Variants in FGF14 observed in about 807,000 individuals in gnomAD.
FGF14 encodes the protein fibroblast growth factor 14.
FGF14 carries 5 observed loss-of-function variants against 25.5 expected under a neutral mutation model. The observed-to-expected ratio is 0.20, with a 90% confidence interval of 0.10 to 0.41. The LOEUF (loss-of-function observed/expected upper bound fraction) is 0.41. Ranked by LOEUF, FGF14 falls within the 10% of genes least tolerant of loss-of-function variation. The pLI is 1.00. For missense variants in FGF14, 222 were observed against 320.1 expected, an observed-to-expected ratio of 0.69 and a Z score of 2.34; for synonymous variants, 138 against 118.3, an observed-to-expected ratio of 1.17 and a Z score of -1.08.
At chr13:102,038,077 T>TA (rs1336040946) in intron 1 of FGF14, among the ~76,000 whole-genome samples, 6 of 152,094 alleles carry the variant, frequency 3.9e-5, no homozygotes, top group Admixed American at 3.9e-4. Context: ...GTCAAATAAA[T>TA]ACATCTAGGC....
intron 1 of FGF14, chr13:102,046,060 G>C (rs1255114131): frequency 6.5e-6 from 1 of 154,298 alleles, no homozygotes; most frequent in Non-Finnish European, 1.5e-5. Context: ...TCAATGTCAA[G>C]ATCTATTCTA....
At chr13:102,012,372 C>T (rs1316477775) in intron 1 of FGF14, among the ~76,000 whole-genome samples, 2 of 152,136 alleles carry the variant, frequency 1.3e-5, no homozygotes, top group African/African-American at 2.4e-5. Context: ...AGTAGTTACT[C>T]TCTGGTAACA....
chr13:101,929,287 A>T (rs1319405430), intron 1 of FGF14, among the ~76,000 whole-genome samples: 1 of 152,198 alleles, frequency 6.6e-6, no homozygotes, highest in African/African-American at 2.4e-5. Flanking sequence ...CCTGGAGCTG[A>T]GATTAAAAAG....
chr13:102,016,392 T>TTAGA (rs1430735344), intron 1 of FGF14, among the ~76,000 whole-genome samples: 1 of 152,098 alleles, frequency 6.6e-6, no homozygotes, highest in Admixed American at 6.6e-5. Context: ...ACAAGGCCAC[T>TTAGA]TAGAACAAAC....
chr13:101,847,848 C>A (rs1166949229), intron 3 of FGF14, among the ~76,000 whole-genome samples: 1 of 151,972 alleles, frequency 6.6e-6, no homozygotes, highest in Non-Finnish European at 1.5e-5. Flanking sequence ...AACATTAAGA[C>A]ATTTTCCAAT....
At chr13:101,955,563 T>C (rs558274014) in intron 1 of FGF14, among the ~76,000 whole-genome samples, 1 of 152,324 alleles carries the variant, frequency 6.6e-6, no homozygotes, top group South Asian at 2.1e-4. Flanking sequence ...CATAGGTAGG[T>C]AGGTGTCAAA....
chr13:102,378,841 T>C (rs2058108611), intron 1 of FGF14, among the ~76,000 whole-genome samples: 1 of 152,004 alleles, frequency 6.6e-6, no homozygotes, highest in African/African-American at 2.4e-5. Flanking sequence ...CAGACGACTA[T>C]CTAACAATAA....
chr13:102,167,935 C>G (rs1259017226), intron 1 of FGF14, among the ~76,000 whole-genome samples: 1 of 151,960 alleles, frequency 6.6e-6, no homozygotes, highest in Non-Finnish European at 1.5e-5. Flanking sequence ...TACGCACACA[C>G]AAACATACAC....
intron 1 of FGF14, among the ~76,000 whole-genome samples, chr13:101,963,310 C>T (rs1019605990): frequency 1.3e-5 from 2 of 152,098 alleles, no homozygotes; most frequent in East Asian, 3.9e-4. Context: ...ACCCTTTCTT[C>T]TTTCTTTGTT....
At chr13:102,335,905 C>T (rs947808195) in intron 1 of FGF14, among the ~76,000 whole-genome samples, 1 of 152,014 alleles carries the variant, frequency 6.6e-6, no homozygotes, top group Non-Finnish European at 1.5e-5. Context: ...TTTTGGGGTG[C>T]CCCAAACTGT....
chr13:102,158,535 G>C (rs1213820222), intron 1 of FGF14, among the ~76,000 whole-genome samples: 8 of 126,174 alleles, frequency 6.3e-5, no homozygotes, highest in Non-Finnish European at 1.1e-4. Flanking sequence ...TGGGGGTAGC[G>C]GGGGGGGGAT....
At chr13:102,197,248 A>G (rs1216395651) in intron 1 of FGF14, among the ~76,000 whole-genome samples, 1 of 152,210 alleles carries the variant, frequency 6.6e-6, no homozygotes, top group South Asian at 2.1e-4. Context: ...GTGGATATCA[A>G]GTCAAAGTAT....
intron 1 of FGF14, among the ~76,000 whole-genome samples, chr13:101,883,068 T>G (rs2138816665): frequency 6.6e-6 from 1 of 152,270 alleles, no homozygotes; most frequent in African/African-American, 2.4e-5. Context: ...GAAAAACATT[T>G]AAACCAGATG....
At position 102,018,932 on chromosome 13, in the gene FGF14, C is replaced by G. The variant is rs115973596; in HGVS notation, c.209-143636G>C. On this transcript the variant is annotated intron_variant, in intron 1 of 4. Coordinates refer to the FGF14 transcript ENST00000376131. Reference sequence around the variant, plus strand: ...ATGGGGCTTGCACATGTACATTTTACAAATACCCACAATGAGTTGCATGCT... The same window carrying G: ...ATGGGGCTTGCACATGTACATTTTAGAAATACCCACAATGAGTTGCATGCT... Among the ~76,000 whole-genome samples, 1,475 of 152,220 alleles carry G rather than the reference C, an allele frequency of 9.7e-3. 21 individuals are homozygous for G. The highest frequency in any genetic ancestry group is 0.033 in the African/African-American group (1,391 of 41,544).
intron 1 of FGF14, among the ~76,000 whole-genome samples, chr13:102,132,310 G>A (rs1036853310): frequency 6.6e-6 from 1 of 152,048 alleles, no homozygotes; most frequent in Non-Finnish European, 1.5e-5. Context: ...TTCTACCACA[G>A]TACTACTTTT....
At chr13:101,766,170 C>A (rs1252648940) in intron 3 of FGF14, among the ~76,000 whole-genome samples, 3 of 152,198 alleles carry the variant, frequency 2.0e-5, no homozygotes, top group East Asian at 3.8e-4. Flanking sequence ...GGAATGATAT[C>A]ATTCAGGTGC....
chr13:102,329,381 T>A (rs1451478880), intron 1 of FGF14, among the ~76,000 whole-genome samples: 5 of 152,088 alleles, frequency 3.3e-5, no homozygotes, highest in African/African-American at 1.2e-4. Flanking sequence ...TTGCCAGATC[T>A]CTCTCCATTC....
intron 3 of FGF14, among the ~76,000 whole-genome samples, chr13:101,815,089 G>T (rs924579123): frequency 2.0e-5 from 3 of 152,190 alleles, no homozygotes; most frequent in Non-Finnish European, 1.5e-5. Flanking sequence ...ATGTTGTTCT[G>T]CAATTCCACA....
chr13:102,312,709 G>T (rs1296830213), intron 1 of FGF14, among the ~76,000 whole-genome samples: 1 of 152,186 alleles, frequency 6.6e-6, no homozygotes, highest in Non-Finnish European at 1.5e-5. Flanking sequence ...ATAGGAGAAG[G>T]AAGTGTATTG....
Sources: allele counts gnomAD v4.1 joint callset (sites outside exome capture counted in the v4.1 genomes callset), GRCh38; gene constraint gnomAD v4.1.1; transcripts MANE v1.5; gene names NCBI Gene and HGNC (gene_info 2026-07-23, HGNC 2026-07-21).